The following ATF1 variants were observed in gnomAD, a reference collection of about 807,000 sequenced individuals.
ATF1 encodes activating transcription factor 1.
A neutral mutation model predicts 34.7 loss-of-function variants in ATF1; 16 were observed. That is an observed-to-expected ratio of 0.46 (90% CI 0.31 to 0.70). The LOEUF (loss-of-function observed/expected upper bound fraction) is 0.70, where lower values mean the gene tolerates loss of function less well. Among genes scored for constraint, ATF1 ranks in the 30% least tolerant of loss-of-function variants. The pLI, the probability that ATF1 is intolerant of heterozygous loss-of-function variation, is 0.05. For missense variants in ATF1, 255 were observed against 321.6 expected (o/e 0.79, Z 1.58); for synonymous variants, 105 against 113.1 (o/e 0.93, Z 0.46).
In ATF1 at chr12:50,819,805, G is replaced by A. The variant is rs1384328094; in HGVS notation, c.*26G>A. ...TTCCTAAGAAAGAAAATATTTTTGT[G>A]GACATGCATAAAAATTAAATGGATT... is the stretch of plus-strand genomic sequence containing the variant. On this transcript the variant is annotated 3_prime_UTR_variant, in exon 7 of 7. Coordinates refer to ENST00000262053, the MANE Select transcript of ATF1 (RefSeq NM_005171.5). 1.4e-6 allele frequency: 2 copies of A among 1,475,258 alleles called. No individual in the cohort carries two copies. The highest frequency in any genetic ancestry group is 1.8e-6 in the Non-Finnish European group (2 of 1,085,268). The allele number at this position is 1,475,258 out of a possible 1,614,324, so 91.4% of individuals were successfully genotyped here.
intron 6 of ATF1, among the ~76,000 whole-genome samples, chr12:50,818,602 CTGT>C (rs1386243309): frequency 6.6e-6 from 1 of 151,940 alleles, no homozygotes; most frequent in East Asian, 1.9e-4. Context: ...TAAAATAGTA[CTGT>C]TTCTTTCTTT....
chr12:50,776,045 G>C (rs1009109379), intron 1 of ATF1, among the ~76,000 whole-genome samples: 16 of 152,118 alleles, frequency 1.1e-4, no homozygotes, highest in African/African-American at 3.4e-4. Context: ...GGGCACGGTG[G>C]CTCACGCCTG....
At chr12:50,816,309 A>G (rs549970468) in intron 6 of ATF1, among the ~76,000 whole-genome samples, 5 of 152,234 alleles carry the variant, frequency 3.3e-5, no homozygotes, top group African/African-American at 1.2e-4. Flanking sequence ...ACAGAGCAAG[A>G]CCCTATCTCA....
chr12:50,819,957 G>A lies in ATF1; in HGVS notation c.*178G>A. 4 of 498,016 alleles carry A rather than the reference G, an allele frequency of 8.0e-6. No homozygotes were observed. The highest frequency in any genetic ancestry group is 3.7e-5 in the South Asian group (1 of 27,098). 30.8% of individuals were successfully genotyped at this position (498,016 alleles called of 1,614,324 possible). Reference sequence around the variant, plus strand: ...AGGAGAAAGTGGAAAATGACCTCAAGGAAGCTACGGGCACAACTGGAAGCT... The same window carrying A: ...AGGAGAAAGTGGAAAATGACCTCAAAGAAGCTACGGGCACAACTGGAAGCT... On this transcript the variant is annotated 3_prime_UTR_variant, in exon 7 of 7. Coordinates refer to ENST00000262053, the MANE Select transcript of ATF1 (RefSeq NM_005171.5).
At chr12:50,767,996 C>T (rs1319682756) in intron 1 of ATF1, among the ~76,000 whole-genome samples, 1 of 152,000 alleles carries the variant, frequency 6.6e-6, no homozygotes, top group Non-Finnish European at 1.5e-5. Context: ...CGTCATCTTC[C>T]CAAGTAGCTG....
chr12:50,816,688 T>A (rs1242841051), intron 6 of ATF1, among the ~76,000 whole-genome samples: 2 of 149,234 alleles, frequency 1.3e-5, no homozygotes, highest in East Asian at 2.0e-4. Context: ...AGCCCAGGAG[T>A]TTGAGACCAG....
At chr12:50,778,028 C>T (rs1201823944) in intron 1 of ATF1, among the ~76,000 whole-genome samples, 5 of 151,066 alleles carry the variant, frequency 3.3e-5, no homozygotes, top group East Asian at 2.0e-4. Context: ...GCAATCCTCT[C>T]GCCTCAGCCT....
chr12:50,782,591 C>T (rs1177906659), intron 2 of ATF1, among the ~76,000 whole-genome samples: 2 of 138,932 alleles, frequency 1.4e-5, no homozygotes, highest in African/African-American at 5.3e-5. Flanking sequence ...GACAGAGTCT[C>T]ACTATGTTGC....
chr12:50,807,813 GT>G (rs59464118), intron 3 of ATF1, among the ~76,000 whole-genome samples: 54,660 of 125,744 alleles, frequency 0.43, 10,218 homozygotes, highest in African/African-American at 0.46. Flanking sequence ...TTTTTTTTTT[GT>G]TTTTTTTTTT....
At position 50,789,086 on chromosome 12, in the gene ATF1, T is replaced by G. The variant is rs144121246; in HGVS notation, c.94-6823T>G. On this transcript the variant is annotated intron_variant, in intron 2 of 6. Transcript: ENST00000262053. Reference sequence around the variant, plus strand: ...ATTAAATGAGGTTTTTTTTGTTGTTTTTTTTTTTCGGAGACAGAGTCTTGC... The same window carrying G: ...ATTAAATGAGGTTTTTTTTGTTGTTGTTTTTTTTCGGAGACAGAGTCTTGC... Among the ~76,000 whole-genome samples the G allele has an allele frequency of 6.9e-3, 1,046 of 152,118 alleles. 11 individuals carry two copies. The highest frequency in any genetic ancestry group is 0.024 in the African/African-American group (1,004 of 41,506).
At chr12:50,784,038 C>A (rs895360576) in intron 2 of ATF1, among the ~76,000 whole-genome samples, 11 of 151,960 alleles carry the variant, frequency 7.2e-5, no homozygotes, top group African/African-American at 2.7e-4. Context: ...TGGCGTTTGT[C>A]TGCAGTCCCA....
chr12:50,806,433 G>A, intron 3 of ATF1: 1 of 460,170 alleles, frequency 2.2e-6, no homozygotes, highest in Non-Finnish European at 4.5e-6. Context: ...TCAACACCAG[G>A]TTCTGCCTGC....
intron 2 of ATF1, among the ~76,000 whole-genome samples, chr12:50,789,814 G>C (rs1413514077): frequency 6.6e-6 from 1 of 152,040 alleles, no homozygotes; most frequent in East Asian, 1.9e-4. Flanking sequence ...TCCTTTGAAA[G>C]GTCTCTCAAT....
chr12:50,782,887 A>G (rs1481675945), intron 2 of ATF1, among the ~76,000 whole-genome samples: 1 of 150,806 alleles, frequency 6.6e-6, no homozygotes, highest in Non-Finnish European at 1.5e-5. Context: ...GTGGGGTTTC[A>G]CCATATTGAC....
chr12:50,779,067 T>G lies in ATF1; in HGVS notation c.-6-1073T>G, dbSNP rs1301784322. The stretch of plus-strand genomic sequence containing the variant: ...TGACTTAGCACAATATGCTCAAGGT[T>G]CATCCATGCTGTAGCATGTGACAGG... On this transcript the variant is annotated intron_variant, in intron 1 of 6. Transcript: ENST00000262053. Among the ~76,000 whole-genome samples the G allele has an allele frequency of 1.3e-5, 2 of 152,240 alleles. 1 individual carries two copies. Among genetic ancestry groups the G allele is most frequent in the Non-Finnish European group, 2.9e-5 (2 of 68,030 alleles).
intron 2 of ATF1, among the ~76,000 whole-genome samples, chr12:50,788,484 C>G (rs1454233734): frequency 6.6e-6 from 1 of 151,640 alleles, no homozygotes; most frequent in Non-Finnish European, 1.5e-5. Flanking sequence ...CTGCACCTGG[C>G]CCTGTTTTTT....
intron 2 of ATF1, among the ~76,000 whole-genome samples, chr12:50,789,401 T>C (rs908864054): frequency 6.6e-6 from 1 of 152,182 alleles, no homozygotes; most frequent in African/African-American, 2.4e-5. Context: ...TGCTCTATTT[T>C]AGATTTTGGA....
chr12:50,770,329 C>T (rs1303445707), intron 1 of ATF1, among the ~76,000 whole-genome samples: 1 of 152,048 alleles, frequency 6.6e-6, no homozygotes, highest in Admixed American at 6.6e-5. Context: ...AATAAAAGCC[C>T]TTTGGGGAAC....
At chr12:50,794,132 A>G (rs1456498300) in intron 2 of ATF1, among the ~76,000 whole-genome samples, 2 of 151,596 alleles carry the variant, frequency 1.3e-5, no homozygotes, top group African/African-American at 2.4e-5. Context: ...TTGTATTTTT[A>G]GTAGAGACGG....
Sources: gnomAD v4.1 joint callset for allele counts (sites outside exome capture counted in the v4.1 genomes callset) on GRCh38, gnomAD v4.1.1 for gene constraint, MANE v1.5 for transcripts, NCBI Gene and HGNC (gene_info 2026-07-23, HGNC 2026-07-21) for gene names.